PRIM2: variants seen among roughly 807,000 people sequenced by gnomAD.
PRIM2 encodes the protein DNA primase subunit 2, also known as DNA primase large subunit.
Under a neutral mutation model 67.3 loss-of-function variants are expected in PRIM2, and 39 were observed. The ratio of observed to expected loss-of-function variants is 0.58; its 90% CI spans 0.45 to 0.76. PRIM2 has a LOEUF of 0.76. PRIM2 is among the 30% of genes least tolerant of loss of function. PRIM2 has a pLI of 0.00. For missense variants in PRIM2, 398 were observed against 598.7 expected, an observed-to-expected ratio of 0.66 and a Z score of 3.50; for synonymous variants, 143 against 198.7, an observed-to-expected ratio of 0.72 and a Z score of 2.36.
intron 5 of PRIM2, among the ~76,000 whole-genome samples, chr6:57,373,986 C>T (rs1392317883): frequency 1.3e-5 from 2 of 152,064 alleles, no homozygotes; most frequent in Admixed American, 6.5e-5. Context: ...CTGTGAAGAA[C>T]GTCAGTGGTA....
chr6:57,481,467 T>C (rs1773627179), intron 7 of PRIM2, among the ~76,000 whole-genome samples: 1 of 152,222 alleles, frequency 6.6e-6, no homozygotes, highest in Non-Finnish European at 1.5e-5. Flanking sequence ...CACTGCATAG[T>C]ATTTGTTTAA....
intron 10 of PRIM2, among the ~76,000 whole-genome samples, chr6:57,543,231 G>A (rs1207419314): frequency 4.5e-4 from 68 of 152,160 alleles, no homozygotes; most frequent in African/African-American, 4.3e-4. Context: ...GAGCCACCGC[G>A]CCCGGCCAGG....
At chr6:57,253,206 A>G in the PRIM2 span, among the ~76,000 whole-genome samples, 3 of 151,966 alleles carry the variant, frequency 2.0e-5, no homozygotes, top group African/African-American at 4.8e-5. Context: ...AAAAAAAAAT[A>G]AACAGTAGTT....
chr6:57,546,507 C>T (rs1250060017), intron 10 of PRIM2, among the ~76,000 whole-genome samples: 21 of 152,194 alleles, frequency 1.4e-4, no homozygotes, highest in African/African-American at 4.6e-4. Context: ...GGGGAAAGTA[C>T]ACAAAACATC....
chr6:57,338,012 A>T (rs1440670115), intron 5 of PRIM2, among the ~76,000 whole-genome samples: 1 of 152,122 alleles, frequency 6.6e-6, no homozygotes, highest in Non-Finnish European at 1.5e-5. Flanking sequence ...GCAATAAAAA[A>T]TGATAAAGGG....
Position 57,437,482 on chromosome 6 carries a change from C to T in PRIM2, c.693+55314C>T, listed in dbSNP as rs9382737. On this transcript the variant is annotated intron_variant, in intron 7 of 13. Coordinates refer to ENST00000615550, the MANE Select transcript of PRIM2 (RefSeq NM_000947.5). ...TCCTGCTCAAACTTTCTCTCCTACT[C>T]TTTACTTAGCACAGAGCTGAGGTGA... Among the ~76,000 whole-genome samples, 427 of 152,242 alleles carry T rather than the reference C, an allele frequency of 2.8e-3. 1 individual carries two copies. The highest frequency in any genetic ancestry group is 9.8e-3 in the African/African-American group (407 of 41,542).
chr6:57,303,371 A>G, the PRIM2 span, among the ~76,000 whole-genome samples: 1 of 152,116 alleles, frequency 6.6e-6, no homozygotes, highest in Non-Finnish European at 1.5e-5. Context: ...TTTAAAAATG[A>G]TTTTGTTTTT....
At chr6:57,457,051 C>T (rs560829932) in intron 7 of PRIM2, among the ~76,000 whole-genome samples, 10 of 152,158 alleles carry the variant, frequency 6.6e-5, no homozygotes, top group Non-Finnish European at 8.8e-5. Flanking sequence ...GCTGGAGGTC[C>T]ACTCCAGACC....
At position 57,374,303 on chromosome 6, in the gene PRIM2, A is replaced by ATTTATTTATTTTT. The variant is rs1554331462; in HGVS notation, c.460-5595_460-5594insATTTATTTTTTTT. Among the ~76,000 whole-genome samples, 23 of 139,878 alleles carry ATTTATTTATTTTT rather than the reference A, an allele frequency of 1.6e-4. No homozygotes were observed. The South Asian group carries it at 2.1e-3, about 13-fold the overall frequency. 91.8% of individuals were successfully genotyped at this position (139,878 alleles called of 152,430 possible). A position where few individuals can be genotyped will look rare whatever the true frequency, so the allele number is the denominator to read the frequency against. ...TATTTATTTATTTATTTATTTATTTATTTTTTTTGAGACGGAGTTTCGCTC... is the reference window on the plus strand; with the variant it reads ...TATTTATTTATTTATTTATTTATTTATTTATTTATTTTTTTTTTTTTGAGACGGAGTTTCGCTC... On this transcript the variant is annotated intron_variant, in intron 5 of 13. Coordinates refer to ENST00000615550, the MANE Select transcript of PRIM2 (RefSeq NM_000947.5).
chr6:57,539,100 C>T (rs1775079927), intron 10 of PRIM2, among the ~76,000 whole-genome samples: 1 of 152,100 alleles, frequency 6.6e-6, no homozygotes, highest in Non-Finnish European at 1.5e-5. Context: ...TCTTCATCGA[C>T]AATTATCCAT....
intron 7 of PRIM2, among the ~76,000 whole-genome samples, chr6:57,440,555 A>G (rs1162801429): frequency 6.6e-6 from 1 of 152,238 alleles, no homozygotes; most frequent in Non-Finnish European, 1.5e-5. Context: ...GTTTGTAGAT[A>G]GCTGATTAAC....
chr6:57,428,491 C>G (rs1472262706), intron 7 of PRIM2, among the ~76,000 whole-genome samples: 8 of 152,036 alleles, frequency 5.3e-5, no homozygotes, highest in Non-Finnish European at 1.0e-4. Context: ...TGCCTAAAAC[C>G]CCGTTTCACA....
At chr6:57,441,359 T>C (rs1198311935) in intron 7 of PRIM2, among the ~76,000 whole-genome samples, 1 of 152,210 alleles carries the variant, frequency 6.6e-6, no homozygotes, top group African/African-American at 2.4e-5. Flanking sequence ...TGAGAGGAAA[T>C]GAGCCAGTAC....
intron 5 of PRIM2, among the ~76,000 whole-genome samples, chr6:57,336,499 A>G (rs1039809812): frequency 1.8e-4 from 27 of 152,250 alleles, no homozygotes; most frequent in African/African-American, 6.5e-4. Context: ...CATCAGACTA[A>G]CAGTGGATCT....
chr6:57,518,397 T>G (rs1438910838), intron 8 of PRIM2, among the ~76,000 whole-genome samples: 1 of 152,206 alleles, frequency 6.6e-6, no homozygotes, highest in Non-Finnish European at 1.5e-5. Context: ...GCAACATCAC[T>G]AGTTGGAATG....
At chr6:57,288,176 G>A in the PRIM2 span, among the ~76,000 whole-genome samples, 4 of 152,150 alleles carry the variant, frequency 2.6e-5, no homozygotes, top group Non-Finnish European at 5.9e-5. Context: ...CACTGTTAGC[G>A]CAGCAGTCTG....
At chr6:57,263,215 TTACTCTTTGCCTC>T in the PRIM2 span, among the ~76,000 whole-genome samples, 1 of 152,222 alleles carries the variant, frequency 6.6e-6, no homozygotes, top group Admixed American at 6.5e-5. Flanking sequence ...TAGGATGAGG[TTACTCTTTGCCTC>T]TGTATTTGCT....
intron 10 of PRIM2, among the ~76,000 whole-genome samples, chr6:57,559,600 G>A (rs1481570062): frequency 6.6e-6 from 1 of 152,256 alleles, no homozygotes; most frequent in East Asian, 1.9e-4. Context: ...TGACGGGATA[G>A]ATCCTAGACA....
At chr6:57,299,696 G>T in the PRIM2 span, among the ~76,000 whole-genome samples, 9 of 152,168 alleles carry the variant, frequency 5.9e-5, no homozygotes, top group African/African-American at 2.2e-4. Context: ...AGACAGATGA[G>T]CCAGCATATT....
Sources: allele counts gnomAD v4.1 joint callset (sites outside exome capture counted in the v4.1 genomes callset), GRCh38; gene constraint gnomAD v4.1.1; transcripts MANE v1.5; gene names NCBI Gene and HGNC (gene_info 2026-07-23, HGNC 2026-07-21).